The following TRMT44 variants were observed in gnomAD, a reference collection of about 807,000 sequenced individuals.
The protein encoded by TRMT44 is tRNA methyltransferase 44 homolog, also known as probable tRNA (uracil-O(2)-)-methyltransferase.
TRMT44 carries 78 observed loss-of-function variants against 77.3 expected under a neutral mutation model. The ratio of observed to expected loss-of-function variants is 1.01; its 90% confidence interval spans 0.84 to 1.22. The LOEUF (loss-of-function observed/expected upper bound fraction) is 1.22. TRMT44 is among the 50% of genes most tolerant of loss of function. TRMT44 has a pLI of 0.00. For missense variants in TRMT44, 1,090 were observed against 964.4 expected, an observed-to-expected ratio of 1.13 and a Z score of -1.73; for synonymous variants, 391 against 383.3, an observed-to-expected ratio of 1.02 and a Z score of -0.23.
intron 10 of TRMT44, among the ~76,000 whole-genome samples, chr4:8,471,961 T>C (rs1727033902): frequency 1.3e-5 from 2 of 151,166 alleles, no homozygotes; most frequent in Non-Finnish European, 2.9e-5. Flanking sequence ...GGAGCCATGG[T>C]TTACCAGCGC....
intron 10 of TRMT44, among the ~76,000 whole-genome samples, chr4:8,472,897 A>G (rs1341495195): frequency 1.3e-5 from 2 of 151,792 alleles, no homozygotes; most frequent in African/African-American, 4.8e-5. Flanking sequence ...CTTTCCCAAC[A>G]CTTGTTTTTG....
At chr4:8,505,637 G>A in the TRMT44 span, among the ~76,000 whole-genome samples, 1 of 152,234 alleles carries the variant, frequency 6.6e-6, no homozygotes, top group Non-Finnish European at 1.5e-5. Flanking sequence ...AGTCCTCACT[G>A]TCACCCTCTC....
chr4:8,490,368 G>A (rs1288295139), intron 2 of TRMT44, among the ~76,000 whole-genome samples: 2 of 151,986 alleles, frequency 1.3e-5, no homozygotes, highest in Non-Finnish European at 2.9e-5. Flanking sequence ...ATGCTCAGAT[G>A]TGTTCGGAGT....
chr4:8,496,043 A>G (rs1209609882), downstream of TRMT44, among the ~76,000 whole-genome samples: 1 of 152,206 alleles, frequency 6.6e-6, no homozygotes, highest in Non-Finnish European at 1.5e-5. Flanking sequence ...ATTTGTATAG[A>G]CTGAAGCAGT....
At chr4:8,507,345 AGAAGCCCAGAATCG>A in the TRMT44 span, 1 of 152,430 alleles carries the variant, frequency 6.6e-6, no homozygotes, top group Non-Finnish European at 1.5e-5. Context: ...CTGATAGTTT[AGAAGCCCAGAATCG>A]CCTGGCAGTG....
In TRMT44 at chr4:8,452,979, G is replaced by C. The variant is rs768320433; in HGVS notation, c.1121G>C (p.Ser374Thr). 1 of 1,522,656 alleles carries C rather than the reference G, an allele frequency of 6.6e-7. No homozygotes were observed. The highest frequency in any genetic ancestry group is 8.8e-7 in the Non-Finnish European group (1 of 1,140,740). 94.3% of individuals were successfully genotyped at this position (1,522,656 alleles called of 1,614,324 possible). ...AATGGCCTCCTGGTCCACATCCTGA[G>C]CAGTGAGGGGGTAAGGCCCGGCTCC... ...CGNGLLVHILSSEGHPGRGID... is the reference protein window; with the variant it reads ...CGNGLLVHILTSEGHPGRGID... The change falls in exon 5 of 11, where the codon AGC becomes ACC. Residue 374 changes from serine (S) to threonine (T), a missense_variant. By Grantham distance (58) the Ser-to-Thr change is moderately conservative. Transcript: ENST00000389737. This position sits in a 1 kb window ranked among gnomAD's most constrained non-coding sequence, Gnocchi z 5.7.
downstream of TRMT44, chr4:8,476,915 T>A (rs1285317385): frequency 6.6e-6 from 1 of 152,172 alleles, no homozygotes; most frequent in African/African-American, 2.4e-5. Context: ...GGCCAACTTT[T>A]AAAATTTTAG....
downstream of TRMT44, chr4:8,479,127 C>CGAGGAACCCGGGCCTT (rs1428423101): frequency 6.6e-6 from 1 of 152,146 alleles, no homozygotes; most frequent in East Asian, 1.9e-4. Flanking sequence ...TGTCACAGAA[C>CGAGGAACCCGGGCCTT]GAGGAACCCG....
intron 9 of TRMT44, among the ~76,000 whole-genome samples, chr4:8,469,645 C>G (rs1043286945): frequency 6.6e-6 from 1 of 152,188 alleles, no homozygotes; most frequent in Admixed American, 6.5e-5. Context: ...TGGGCTCAGT[C>G]CTGCCTGCGC....
At chr4:8,494,659 A>G (rs2109240637), downstream of TRMT44, among the ~76,000 whole-genome samples, 1 of 152,222 alleles carries the variant, frequency 6.6e-6, no homozygotes, top group South Asian at 2.1e-4. Context: ...GCTGTGCCCG[A>G]CCACCTTGAG....
intron 1 of TRMT44, among the ~76,000 whole-genome samples, chr4:8,443,515 C>T (rs1258672163): frequency 6.6e-6 from 1 of 152,214 alleles, no homozygotes; most frequent in Non-Finnish European, 1.5e-5. Context: ...TATAGAGCCT[C>T]TCTGTGCCTC....
At chr4:8,488,463 G>A (rs1302360302) in intron 2 of TRMT44, among the ~76,000 whole-genome samples, 2 of 152,206 alleles carry the variant, frequency 1.3e-5, no homozygotes, top group African/African-American at 4.8e-5. Flanking sequence ...AGTGGGGGTC[G>A]CAAGGTGCTC....
rs368638987 is a variant in TRMT44, at chr4:8,490,824, T to G, written n.3892-2442T>G. Among the ~76,000 whole-genome samples the G allele has an allele frequency of 8.5e-3, 1,297 of 152,294 alleles. 6 individuals are homozygous for G. Among genetic ancestry groups the G allele is most frequent in the South Asian group, 0.034 (162 of 4,826 alleles). Reference sequence around the variant, plus strand: ...CTGGCCCCACCCACATCCTGCTGATTGGTAGAGCCAAGTGGTCTGTTTTGA... The same window carrying G: ...CTGGCCCCACCCACATCCTGCTGATGGGTAGAGCCAAGTGGTCTGTTTTGA... On this transcript the variant is annotated intron_variant and non_coding_transcript_variant, in intron 2 of 2. Transcript: ENST00000511366.
intron 2 of TRMT44, among the ~76,000 whole-genome samples, chr4:8,448,865 C>T (rs772267558): frequency 3.9e-5 from 6 of 152,232 alleles, no homozygotes; most frequent in East Asian, 1.9e-4. Flanking sequence ...TGAGGCCCTC[C>T]GGCTCTGCCC....
chr4:8,503,242 C>A, the TRMT44 span, among the ~76,000 whole-genome samples: 1 of 152,210 alleles, frequency 6.6e-6, no homozygotes, highest in East Asian at 1.9e-4. Context: ...GCACACACAC[C>A]CTTGAGGGTC....
chr4:8,462,616 A>T (rs1726232296), intron 6 of TRMT44, among the ~76,000 whole-genome samples: 1 of 151,976 alleles, frequency 6.6e-6, no homozygotes, highest in African/African-American at 2.4e-5. Flanking sequence ...GAGGCAGTAG[A>T]ATTGCTTGAA....
chr4:8,514,251 C>CTTTT, the TRMT44 span, among the ~76,000 whole-genome samples: 12 of 114,238 alleles, frequency 1.1e-4, no homozygotes, highest in African/African-American at 3.7e-4. Flanking sequence ...GGGCTCTGAT[C>CTTTT]TTTTTTTTTT....
rs537168250 is a variant in TRMT44, at chr4:8,452,676, G to A, written c.1024-206G>A. On this transcript the variant is annotated intron_variant, in intron 4 of 10. Transcript: ENST00000389737. This position sits in a 1 kb window ranked among gnomAD's most constrained non-coding sequence, Gnocchi z 5.7. ...TTGAACCCAGGAGGCGGAGGTTGCA[G>A]TGACCAGAGATTGCATCATTGCACT... Among the ~76,000 whole-genome samples, 1 of 151,996 alleles carries A rather than the reference G, an allele frequency of 6.6e-6. No individual in the cohort carries two copies. The highest frequency in any genetic ancestry group is 2.4e-5 in the African/African-American group (1 of 41,368).
rs1485827032 is a variant in TRMT44, at chr4:8,450,006, A to T, written c.954+118A>T. On this transcript the variant is annotated intron_variant, in intron 3 of 10. Transcript: ENST00000389737. ...GTCTTGTTCTGTCACCCCCCCAAAA[A>T]AAAGGGCCAGAGTGAAGTGGTGTGA... 6.4e-6 allele frequency: 4 copies of T among 625,598 alleles called. No individual in the cohort carries two copies. The Admixed American group carries it at 1.1e-4, about 17-fold the overall frequency. 38.8% of individuals were successfully genotyped at this position (625,598 alleles called of 1,614,324 possible).
Sources: gnomAD v4.1 joint callset for allele counts (sites outside exome capture counted in the v4.1 genomes callset) on GRCh38, gnomAD v4.1.1 for gene constraint, Gnocchi (gnomAD v3.1) non-coding constraint, MANE v1.5 for transcripts, NCBI Gene and HGNC (gene_info 2026-07-23, HGNC 2026-07-21) for gene names.